The following FXN variants were observed in gnomAD, a reference collection of about 807,000 sequenced individuals.
The protein encoded by FXN is frataxin, also known as frataxin, mitochondrial.
In FXN, 14 loss-of-function variants were observed where a neutral mutation model predicts 22.4. The ratio of observed to expected loss-of-function variants is 0.62; its 90% CI spans 0.41 to 0.98. The LOEUF (loss-of-function observed/expected upper bound fraction) is 0.98. Ranked by LOEUF, FXN falls within the 50% of genes least tolerant of loss-of-function variation. The pLI is 0.00. For synonymous variants in FXN, 120 were observed against 114.1 expected (o/e 1.05, Z -0.33); for missense variants, 267 against 268.4 (o/e 0.99, Z 0.04).
chr9:69,067,951 A>C lies in FXN; in HGVS notation c.482+2916A>C, dbSNP rs182094804. On this transcript the variant is annotated intron_variant, in intron 4 of 4. Coordinates refer to ENST00000484259, the MANE Select transcript of FXN (RefSeq NM_000144.5). ...AGAGTCAACAAGAAAACAGGGCCCAAAATGACTTAGCCTCTAGTGTATAAT... is the reference window on the plus strand; with the variant it reads ...AGAGTCAACAAGAAAACAGGGCCCACAATGACTTAGCCTCTAGTGTATAAT... Among the ~76,000 whole-genome samples the C allele has an allele frequency of 2.6e-5, 4 of 152,342 alleles. No individual in the cohort carries two copies. The East Asian group carries it at 7.7e-4, about 29-fold the overall frequency.
rs887581874 is a variant in FXN at position 69,061,387 on chromosome 9, C to T, written c.385-3551C>T. On this transcript the variant is annotated intron_variant, in intron 3 of 4. Coordinates refer to ENST00000484259, the MANE Select transcript of FXN (RefSeq NM_000144.5). ...GTGATGAGACCAGACCTGGAACTCGCGTCTTATACTCAGTCCTCTGCCCTT... is the reference window on the plus strand; with the variant it reads ...GTGATGAGACCAGACCTGGAACTCGTGTCTTATACTCAGTCCTCTGCCCTT... 3.9e-5 allele frequency among the ~76,000 whole-genome samples: 6 copies of T among 152,060 alleles called. No individual in the cohort carries two copies. In the East Asian group the frequency reaches 5.8e-4, roughly 15 times the overall value.
chr9:69,078,608 A>G lies in FXN; in HGVS notation c.*5846A>G, dbSNP rs79499353. On this transcript the variant is annotated 3_prime_UTR_variant, in exon 5 of 5. Transcript: ENST00000484259. Reference sequence around the variant, plus strand: ...TCAGGCACTGACTCTACATATAATTATGCTTTTCTACCCCCTCACACTCAA... The same window carrying G: ...TCAGGCACTGACTCTACATATAATTGTGCTTTTCTACCCCCTCACACTCAA... 3,498 of 985,688 alleles carry G rather than the reference A, an allele frequency of 3.5e-3. 95 individuals are homozygous for G. The African/African-American group carries it at 0.055, about 15-fold the overall frequency. The allele number at this position is 985,688 out of a possible 1,614,324, so 61.1% of individuals were successfully genotyped here. A position where few individuals can be genotyped will look rare whatever the true frequency, so the allele number is the denominator to read the frequency against.
At chr9:69,067,043 G>A (rs946568739) in intron 4 of FXN, among the ~76,000 whole-genome samples, 1 of 152,198 alleles carries the variant, frequency 6.6e-6, no homozygotes, top group African/African-American at 2.4e-5. Context: ...GATGGGAGTC[G>A]GGGGAAGGGA....
chr9:69,041,062 T>C (rs1419548516), intron 1 of FXN, among the ~76,000 whole-genome samples: 1 of 152,190 alleles, frequency 6.6e-6, no homozygotes, highest in Admixed American at 6.5e-5. Context: ...AAATAACAAA[T>C]ACTTGTATCC....
intron 1 of FXN, among the ~76,000 whole-genome samples, chr9:69,045,961 C>G (rs1831745108): frequency 6.6e-6 from 1 of 152,110 alleles, no homozygotes; most frequent in Non-Finnish European, 1.5e-5. Flanking sequence ...GTATGCCCTC[C>G]CAGTGAATGA....
intron 1 of FXN, 157 bp downstream of exon 1, chr9:69,036,104 C>G: frequency 2.0e-6 from 1 of 488,932 alleles, no homozygotes; most frequent in Non-Finnish European, 3.0e-6. Flanking sequence ...CGGAAGCGGC[C>G]TTGCAACTCC....
Position 69,078,483 on chromosome 9 carries a change from A to C in FXN, c.*5721A>C. The C allele has an allele frequency of 5.1e-6, 5 of 982,780 alleles. No individual in the cohort carries two copies. Among genetic ancestry groups the C allele is most frequent in the Non-Finnish European group, 6.0e-6 (5 of 829,086 alleles). 60.9% of individuals were successfully genotyped at this position (982,780 alleles called of 1,614,324 possible). A position where few individuals can be genotyped will look rare whatever the true frequency, so the allele number is the denominator to read the frequency against. On this transcript the variant is annotated 3_prime_UTR_variant, in exon 5 of 5. Transcript: ENST00000484259. ...CCCATCATCTAGCTACACAGTCTCC[A>C]GGGTAAGCTTTCAGAAAGGCAATCT... is the stretch of plus-strand genomic sequence containing the variant.
At chr9:69,058,219 A>G (rs1831998297) in intron 3 of FXN, among the ~76,000 whole-genome samples, 1 of 152,068 alleles carries the variant, frequency 6.6e-6, no homozygotes, top group African/African-American at 2.4e-5. Context: ...GTGGATGCCA[A>G]TGTCTGGCCC....
At chr9:69,069,956 C>T (rs943355745) in intron 4 of FXN, among the ~76,000 whole-genome samples, 9 of 152,150 alleles carry the variant, frequency 5.9e-5, no homozygotes, top group Non-Finnish European at 7.3e-5. Context: ...GGGGCAAGCA[C>T]GGTAGCTCAC....
intron 4 of FXN, among the ~76,000 whole-genome samples, chr9:69,067,618 A>G (rs1028932878): frequency 1.3e-5 from 2 of 152,186 alleles, no homozygotes; most frequent in African/African-American, 2.4e-5. Flanking sequence ...TCAAAACAAC[A>G]ACAACAACAA....
intron 1 of FXN, among the ~76,000 whole-genome samples, chr9:69,039,908 G>A (rs998542609): frequency 2.6e-5 from 4 of 152,116 alleles, no homozygotes; most frequent in Admixed American, 1.3e-4. Flanking sequence ...AGGCGGCACC[G>A]GGCGTCATAT....
intron 3 of FXN, among the ~76,000 whole-genome samples, chr9:69,055,101 AT>A (rs1831931524): frequency 6.6e-6 from 1 of 152,224 alleles, no homozygotes; most frequent in Admixed American, 6.5e-5. Context: ...TTTCAAGTAG[AT>A]TCAGTAATTG....
intron 1 of FXN, among the ~76,000 whole-genome samples, chr9:69,037,459 C>T (rs1311481443): frequency 1.3e-5 from 2 of 150,996 alleles, no homozygotes; most frequent in Non-Finnish European, 3.0e-5. Context: ...AGCAAGACTC[C>T]GTCTCAAAAA....
At chr9:69,059,942 T>C (rs186785888) in intron 3 of FXN, among the ~76,000 whole-genome samples, 1 of 152,006 alleles carries the variant, frequency 6.6e-6, no homozygotes, top group African/African-American at 2.4e-5. Context: ...ATGAAGGAGG[T>C]CATATGTATG....
At chr9:69,056,653 A>C (rs1831963928) in intron 3 of FXN, among the ~76,000 whole-genome samples, 1 of 152,198 alleles carries the variant, frequency 6.6e-6, no homozygotes, top group African/African-American at 2.4e-5. Flanking sequence ...AGTGGTTATC[A>C]GGAAGGAATG....
Position 69,076,909 on chromosome 9 carries a change from A to G in FXN, c.*4147A>G. 1.0e-6 allele frequency: 1 copy of G among 985,358 alleles called. No homozygotes were observed. Among genetic ancestry groups the G allele is most frequent in the Non-Finnish European group, 1.2e-6 (1 of 829,892 alleles). The allele number at this position is 985,358 out of a possible 1,614,324, so 61.0% of individuals were successfully genotyped here. ...GACGAGTTCATGACTTTGTGTATAG[A>G]GTAAGAAATGCCTTTTCTTTTTTGA... On this transcript the variant is annotated 3_prime_UTR_variant, in exon 5 of 5. Transcript: ENST00000484259.
intron 1 of FXN, 150 bp from the exon 2 acceptor site, chr9:69,046,235 T>A (rs1027003748): frequency 5.5e-5 from 37 of 670,280 alleles, no homozygotes; most frequent in Admixed American, 3.8e-4. Context: ...TAATTTTTTT[T>A]AAGAAAAGCA....
At chr9:69,064,155 A>G (rs1389878298) in intron 3 of FXN, among the ~76,000 whole-genome samples, 1 of 152,254 alleles carries the variant, frequency 6.6e-6, no homozygotes, top group Non-Finnish European at 1.5e-5. Flanking sequence ...ACAGAGAACT[A>G]GCCCTGTAGC....
intron 4 of FXN, among the ~76,000 whole-genome samples, chr9:69,070,399 G>T (rs559498611): frequency 2.0e-5 from 3 of 152,174 alleles, no homozygotes; most frequent in Non-Finnish European, 4.4e-5. Flanking sequence ...CTGGCGCCCC[G>T]CCCACAGCTG....
Sources: allele counts gnomAD v4.1 joint callset (sites outside exome capture counted in the v4.1 genomes callset), GRCh38; gene constraint gnomAD v4.1.1; transcripts MANE v1.5; gene names NCBI Gene and HGNC (gene_info 2026-07-23, HGNC 2026-07-21).